Variants in ZNF385D observed in about 807,000 individuals in gnomAD.
The protein encoded by ZNF385D is zinc finger protein 659.
Under a neutral mutation model 35.8 loss-of-function variants are expected in ZNF385D, and 15 were observed. The observed-to-expected ratio is 0.42, with a 90% CI of 0.28 to 0.64. The LOEUF is 0.64. ZNF385D is among the 30% of genes least tolerant of loss of function. ZNF385D has a pLI of 0.23. For synonymous variants in ZNF385D, 212 were observed against 186.8 expected, an observed-to-expected ratio of 1.13 and a Z score of -1.10; for missense variants, 474 against 494.6, an observed-to-expected ratio of 0.96 and a Z score of 0.39.
intron 3 of ZNF385D, among the ~76,000 whole-genome samples, chr3:21,850,418 G>A (rs1373092905): frequency 6.6e-6 from 1 of 152,096 alleles, no homozygotes; most frequent in East Asian, 1.9e-4. Flanking sequence ...GTGAAGTGCA[G>A]TAGTCTCTTT....
intron 4 of ZNF385D, among the ~76,000 whole-genome samples, chr3:21,489,139 C>A (rs192847445): frequency 6.6e-6 from 1 of 152,150 alleles, no homozygotes; most frequent in African/African-American, 2.4e-5. Context: ...GATAGACTAA[C>A]AGAAACACAC....
chr3:21,531,324 A>C (rs2061916858), intron 3 of ZNF385D, among the ~76,000 whole-genome samples: 1 of 152,332 alleles, frequency 6.6e-6, no homozygotes, highest in African/African-American at 2.4e-5. Flanking sequence ...AAAATGCAAC[A>C]GCCACATTGG....
At chr3:22,025,397 A>G (rs1697476752) in intron 3 of ZNF385D, among the ~76,000 whole-genome samples, 1 of 152,110 alleles carries the variant, frequency 6.6e-6, no homozygotes, top group African/African-American at 2.4e-5. Flanking sequence ...TGAGAGTGTG[A>G]CCCATGAGGA....
intron 3 of ZNF385D, among the ~76,000 whole-genome samples, chr3:21,772,375 T>TAAC (rs148663195): frequency 1.2e-4 from 9 of 75,406 alleles, no homozygotes; most frequent in Non-Finnish European, 3.5e-4. Context: ...TCCTAAAACT[T>TAAC]AACAACAACA....
intron 3 of ZNF385D, among the ~76,000 whole-genome samples, chr3:22,081,903 C>T (rs1456658638): frequency 2.0e-5 from 3 of 151,914 alleles, no homozygotes; most frequent in Non-Finnish European, 4.4e-5. Flanking sequence ...TTAGCTAACA[C>T]AGTGATCTTA....
At chr3:21,946,880 G>C (rs1216869504) in intron 3 of ZNF385D, among the ~76,000 whole-genome samples, 2 of 152,134 alleles carry the variant, frequency 1.3e-5, no homozygotes, top group African/African-American at 4.8e-5. Context: ...TCATTTTGAA[G>C]CATCTTCCAC....
At chr3:21,591,993 C>G (rs1380024971) in intron 2 of ZNF385D, among the ~76,000 whole-genome samples, 1 of 152,126 alleles carries the variant, frequency 6.6e-6, no homozygotes, top group African/African-American at 2.4e-5. Flanking sequence ...CTGTTCAAAC[C>G]CAATACTCCC....
At chr3:22,309,691 T>C (rs1458991933) in intron 2 of ZNF385D, among the ~76,000 whole-genome samples, 2 of 152,040 alleles carry the variant, frequency 1.3e-5, no homozygotes, top group Non-Finnish European at 2.9e-5. Context: ...AACTCACTTT[T>C]GAATTATGTC....
intron 4 of ZNF385D, among the ~76,000 whole-genome samples, chr3:21,503,817 T>C (rs1234603889): frequency 6.6e-6 from 1 of 152,156 alleles, no homozygotes; most frequent in Non-Finnish European, 1.5e-5. Flanking sequence ...TAATGTGCAT[T>C]CCAATAAACA....
At chr3:22,364,065 A>T (rs1696538729) in intron 2 of ZNF385D, among the ~76,000 whole-genome samples, 1 of 152,108 alleles carries the variant, frequency 6.6e-6, no homozygotes, top group South Asian at 2.1e-4. Flanking sequence ...GATAGTATTC[A>T]CATTCTAGTC....
chr3:22,271,194 T>C (rs1305584803), intron 2 of ZNF385D, among the ~76,000 whole-genome samples: 1 of 148,648 alleles, frequency 6.7e-6, no homozygotes. Context: ...CATTGAGCAT[T>C]GTCTTTGAGC....
At chr3:21,953,852 A>G (rs1702169419) in intron 3 of ZNF385D, among the ~76,000 whole-genome samples, 1 of 152,070 alleles carries the variant, frequency 6.6e-6, no homozygotes, top group African/African-American at 2.4e-5. Flanking sequence ...ACGGTAGTAA[A>G]CTCACTCACG....
intron 1 of ZNF385D, among the ~76,000 whole-genome samples, chr3:21,697,421 T>C (rs2067509802): frequency 6.6e-6 from 1 of 152,190 alleles, no homozygotes; most frequent in Non-Finnish European, 1.5e-5. Context: ...GAGTGTCCTA[T>C]TTGCCCATGC....
intron 3 of ZNF385D, among the ~76,000 whole-genome samples, chr3:21,850,812 C>T (rs562104249): frequency 2.8e-4 from 42 of 152,172 alleles, no homozygotes; most frequent in Non-Finnish European, 5.1e-4. Context: ...TATACTATAC[C>T]TTTCCTAGTG....
chr3:21,726,938 T>A (rs2068790154), intron 1 of ZNF385D, among the ~76,000 whole-genome samples: 1 of 152,176 alleles, frequency 6.6e-6, no homozygotes, highest in African/African-American at 2.4e-5. Flanking sequence ...AAGGCTGTAG[T>A]AACCAGAACA....
Position 21,440,975 on chromosome 3 carries a change from C to T in ZNF385D, c.440-3772G>A, listed in dbSNP as rs2125245217. Among the ~76,000 whole-genome samples, 3 of 152,060 alleles carry T rather than the reference C, an allele frequency of 2.0e-5. 1 individual carries two copies. The highest frequency in any genetic ancestry group is 4.2e-4 in the South Asian group (2 of 4,806). ...CCAAATCTAGTGTGTATTATCTTAC[C>T]TGCAGTTACTCATGCACTCAAACTT... On this transcript the variant is annotated intron_variant, in intron 4 of 7. Transcript: ENST00000281523.
intron 3 of ZNF385D, among the ~76,000 whole-genome samples, chr3:21,936,991 T>C (rs2125262234): frequency 6.6e-6 from 1 of 152,258 alleles, no homozygotes; most frequent in East Asian, 1.9e-4. Flanking sequence ...TATTTATGGA[T>C]ATAAAAGGTT....
At chr3:22,297,466 G>A (rs1702651640) in intron 2 of ZNF385D, among the ~76,000 whole-genome samples, 1 of 152,058 alleles carries the variant, frequency 6.6e-6, no homozygotes, top group African/African-American at 2.4e-5. Context: ...TCTATAAAGG[G>A]ACAAGCCCCT....
intron 3 of ZNF385D, among the ~76,000 whole-genome samples, chr3:21,860,379 G>C (rs1189795759): frequency 6.6e-6 from 1 of 152,118 alleles, no homozygotes; most frequent in Non-Finnish European, 1.5e-5. Context: ...TCAGGCAGTA[G>C]TTTGACAACC....
Sources: allele counts gnomAD v4.1 joint callset (sites outside exome capture counted in the v4.1 genomes callset), GRCh38; gene constraint gnomAD v4.1.1; transcripts MANE v1.5; gene names NCBI Gene and HGNC (gene_info 2026-07-23, HGNC 2026-07-21).